Variants in SLC6A11 observed in about 807,000 individuals in gnomAD.
SLC6A11 encodes the protein sodium- and chloride-dependent GABA transporter 3.
SLC6A11 carries 25 observed loss-of-function variants against 74.8 expected under a neutral mutation model. The ratio of observed to expected loss-of-function variants is 0.33; its 90% CI spans 0.24 to 0.47. The LOEUF is 0.47. Among genes scored for constraint, SLC6A11 ranks in the 20% least tolerant of loss-of-function variants. The pLI, the probability that SLC6A11 is intolerant of heterozygous loss-of-function variation, is 1.00. For synonymous variants in SLC6A11, 330 were observed against 330.2 expected, an observed-to-expected ratio of 1.00 and a Z score of 0.01; for missense variants, 574 against 837.0, an observed-to-expected ratio of 0.69 and a Z score of 3.88.
At chr3:10,898,734 A>T (rs1203042029) in intron 6 of SLC6A11, among the ~76,000 whole-genome samples, 1 of 152,170 alleles carries the variant, frequency 6.6e-6, no homozygotes, top group Non-Finnish European at 1.5e-5. Context: ...AGCCCTCTGA[A>T]CTATTCCAGC....
intron 5 of SLC6A11, among the ~76,000 whole-genome samples, chr3:10,848,149 C>T (rs2106587850): frequency 6.6e-6 from 1 of 152,358 alleles, no homozygotes; most frequent in East Asian, 1.9e-4. Flanking sequence ...ATATCCCCAA[C>T]TTTAAGTCAA....
chr3:10,828,947 A>T (rs571206383), intron 4 of SLC6A11, among the ~76,000 whole-genome samples: 1 of 152,320 alleles, frequency 6.6e-6, no homozygotes, highest in Non-Finnish European at 1.5e-5. Flanking sequence ...GGTGCTCAAT[A>T]AATATTTGTT....
In SLC6A11 at chr3:10,918,205, C is replaced by G; in HGVS notation, c.996-124C>G. 9.2e-7 allele frequency: 1 copy of G among 1,090,534 alleles called. No homozygotes were observed. The highest frequency in any genetic ancestry group is 2.1e-5 in the South Asian group (1 of 47,028). The allele number at this position is 1,090,534 out of a possible 1,614,324, so 67.6% of individuals were successfully genotyped here. On this transcript the variant is annotated intron_variant, in intron 7 of 13. Coordinates refer to ENST00000254488, the MANE Select transcript of SLC6A11 (RefSeq NM_014229.3). This position sits in a 1 kb window ranked among gnomAD's most constrained non-coding sequence, Gnocchi z 4.5. Reference sequence around the variant, plus strand: ...TGAGTGCTCCATCAGAAAAACAGAGCTCCCTGTGCCTGCACTTCCCTGCCT... The same window carrying G: ...TGAGTGCTCCATCAGAAAAACAGAGGTCCCTGTGCCTGCACTTCCCTGCCT...
chr3:10,912,175 A>T lies in SLC6A11; in HGVS notation c.977A>T (p.Tyr326Phe). The change falls in exon 7 of 14, where the codon TAT (tyrosine) becomes TTT (phenylalanine). Residue 326 changes from tyrosine to phenylalanine, a missense_variant. This residue lies in a region of SLC6A11 where 215 missense variants were observed against 357.9 expected (regional missense o/e 0.60). Transcript: ENST00000254488. ...CLTALGSYNN[Y>F]NNNCYRDCIM... ...ACCGCTCTGGGAAGTTATAACAATTATAACAACAACTGCTACAGGTGAGCA... is the reference window on the plus strand; with the variant it reads ...ACCGCTCTGGGAAGTTATAACAATTTTAACAACAACTGCTACAGGTGAGCA... 1 of 1,611,836 alleles carries T rather than the reference A, an allele frequency of 6.2e-7. No individual in the cohort carries two copies. The highest frequency in any genetic ancestry group is 2.2e-5 in the East Asian group (1 of 44,868).
intron 13 of SLC6A11, 106 bp downstream of exon 13, chr3:10,935,305 C>A: frequency 9.9e-7 from 1 of 1,009,518 alleles, no homozygotes; most frequent in Non-Finnish European, 1.5e-6. Context: ...CCACCTGCCT[C>A]AAGGGGACGC....
intron 5 of SLC6A11, among the ~76,000 whole-genome samples, chr3:10,844,858 G>A (rs1018166982): frequency 4.6e-5 from 7 of 152,172 alleles, no homozygotes; most frequent in Non-Finnish European, 1.0e-4. Flanking sequence ...CAGGGTTGCT[G>A]CCTCACCAGG....
intron 1 of SLC6A11, among the ~76,000 whole-genome samples, chr3:10,817,978 TTC>T (rs1335844052): frequency 3.3e-5 from 5 of 152,256 alleles, no homozygotes; most frequent in African/African-American, 1.2e-4. Context: ...CATCTTTTTT[TTC>T]CATACAGGAA....
Position 10,918,911 on chromosome 3 carries a change from C to T in SLC6A11, c.1120+458C>T, listed in dbSNP as rs994255168. 1.3e-5 allele frequency among the ~76,000 whole-genome samples: 2 copies of T among 151,992 alleles called. No individual in the cohort carries two copies. Among genetic ancestry groups the T allele is most frequent in the Non-Finnish European group, 2.9e-5 (2 of 68,014 alleles). Reference sequence around the variant, plus strand: ...TCTTGGCTTCTCATAGTGCTGGACTCAGCGTGGCCACAAAGCCCTGTGTTG... The same window carrying T: ...TCTTGGCTTCTCATAGTGCTGGACTTAGCGTGGCCACAAAGCCCTGTGTTG... On this transcript the variant is annotated intron_variant, in intron 8 of 13. Coordinates refer to ENST00000254488, the MANE Select transcript of SLC6A11 (RefSeq NM_014229.3). The surrounding 1 kb of genome is among the most constrained non-coding windows in gnomAD (Gnocchi z 4.5).
chr3:10,819,092 G>T (rs1031778792), intron 1 of SLC6A11, among the ~76,000 whole-genome samples: 10 of 152,286 alleles, frequency 6.6e-5, no homozygotes, highest in South Asian at 6.2e-4. Flanking sequence ...ATGAAAAAGG[G>T]TGCAACATTC....
chr3:10,909,109 C>CAAAAA (rs34230224), intron 6 of SLC6A11, among the ~76,000 whole-genome samples: 10 of 104,010 alleles, frequency 9.6e-5, no homozygotes, highest in Non-Finnish European at 1.4e-4. Flanking sequence ...ACATCCCCAG[C>CAAAAA]AAAAAAAAAA....
Position 10,915,365 on chromosome 3 carries a change from C to A in SLC6A11, c.996-2964C>A, listed in dbSNP as rs564870334. On this transcript the variant is annotated intron_variant, in intron 7 of 13. Transcript: ENST00000254488. The surrounding 1 kb of genome is among the most constrained non-coding windows in gnomAD (Gnocchi z 4.3). Reference sequence around the variant, plus strand: ...CATCTCTCCCATCAGCAGAAGAAAGCAAATCCCCTGGGTGGCAATGCAAAA... The same window carrying A: ...CATCTCTCCCATCAGCAGAAGAAAGAAAATCCCCTGGGTGGCAATGCAAAA... Among the ~76,000 whole-genome samples the A allele has an allele frequency of 6.6e-6, 1 of 152,306 alleles. No individual in the cohort carries two copies. The highest frequency in any genetic ancestry group is 1.9e-4 in the East Asian group (1 of 5,184).
intron 6 of SLC6A11, among the ~76,000 whole-genome samples, chr3:10,899,109 G>T (rs1409161048): frequency 6.6e-6 from 1 of 152,136 alleles, no homozygotes; most frequent in Admixed American, 6.5e-5. Flanking sequence ...ATCTCCCACT[G>T]GTCCCTCCCA....
chr3:10,888,155 AG>A (rs1401690142), intron 6 of SLC6A11, among the ~76,000 whole-genome samples: 1 of 152,208 alleles, frequency 6.6e-6, no homozygotes, highest in Non-Finnish European at 1.5e-5. Flanking sequence ...GTGTGACGTT[AG>A]GCGGAAGGCT....
chr3:10,892,496 C>T lies in SLC6A11; in HGVS notation c.891+17401C>T, dbSNP rs919874954. Among the ~76,000 whole-genome samples, 7 of 152,096 alleles carry T rather than the reference C, an allele frequency of 4.6e-5. 1 individual carries two copies. Among genetic ancestry groups the T allele is most frequent in the Non-Finnish European group, 8.8e-5 (6 of 68,008 alleles). On this transcript the variant is annotated intron_variant, in intron 6 of 13. Transcript: ENST00000254488. ...ACCCAGCTCCACCACCGACCTTGAA[C>T]TGTCACTGTACCTCCTTGTGCCAGA...
chr3:10,819,324 C>T (rs1475526748), intron 1 of SLC6A11, 141 bp from the exon 2 acceptor site: 2 of 801,676 alleles, frequency 2.5e-6, no homozygotes, highest in African/African-American at 1.7e-5. Context: ...TGTTTTCTGA[C>T]TCTGGTCTTC....
At chr3:10,878,823 A>C (rs112566604) in intron 6 of SLC6A11, among the ~76,000 whole-genome samples, 223 of 152,250 alleles carry the variant, frequency 1.5e-3, no homozygotes, top group African/African-American at 5.1e-3. Context: ...AAGCACCTAC[A>C]TATCCTATAT....
chr3:10,826,857 AG>A lies in SLC6A11; in HGVS notation c.623+3467del, dbSNP rs34223012. ...ATCCATTCATTTGAACACCAAGGGCAGGCAAGGGCAGTTTGTGTGCATCCTC... is the reference window on the plus strand; with the variant it reads ...ATCCATTCATTTGAACACCAAGGGCAGCAAGGGCAGTTTGTGTGCATCCTC... On this transcript the variant is annotated intron_variant, in intron 4 of 13. Coordinates refer to ENST00000254488, the MANE Select transcript of SLC6A11 (RefSeq NM_014229.3). Among the ~76,000 whole-genome samples the A allele has an allele frequency of 3.3e-3, 505 of 152,368 alleles. 5 individuals are homozygous for A. Among genetic ancestry groups the A allele is most frequent in the African/African-American group, 0.012 (492 of 41,580 alleles).
chr3:10,827,825 T>C (rs1348378389), intron 4 of SLC6A11, among the ~76,000 whole-genome samples: 2 of 152,218 alleles, frequency 1.3e-5, no homozygotes, highest in Non-Finnish European at 2.9e-5. Flanking sequence ...GCCTTGACCA[T>C]GGGCACCTGG....
At chr3:10,895,735 G>A (rs528671206) in intron 6 of SLC6A11, among the ~76,000 whole-genome samples, 56 of 152,184 alleles carry the variant, frequency 3.7e-4, no homozygotes, top group African/African-American at 9.6e-4. Context: ...AGCAAGGGTC[G>A]TCTTTGCATG....
Sources: gnomAD v4.1 joint callset for allele counts (sites outside exome capture counted in the v4.1 genomes callset) on GRCh38, gnomAD v4.1.1 for gene constraint, gnomAD v4.1.1 regional missense constraint, Gnocchi (gnomAD v3.1) non-coding constraint, MANE v1.5 for transcripts, NCBI Gene and HGNC (gene_info 2026-07-23, HGNC 2026-07-21) for gene names.